The following CNTNAP3 variants were observed in gnomAD, a reference collection of about 807,000 sequenced individuals.
CNTNAP3 encodes contactin associated protein family member 3.
In CNTNAP3, 36 loss-of-function variants were observed where a neutral mutation model predicts 92.1. The ratio of observed to expected loss-of-function variants is 0.39; its 90% CI spans 0.30 to 0.52. The LOEUF is 0.52. Ranked by LOEUF, CNTNAP3 falls within the 20% of genes least tolerant of loss-of-function variation. CNTNAP3 has a pLI of 0.76. For synonymous variants in CNTNAP3, 232 were observed against 422.3 expected, an observed-to-expected ratio of 0.55 and a Z score of 5.53; for missense variants, 534 against 1,069.6, an observed-to-expected ratio of 0.50 and a Z score of 6.98.
rs933841186 is a variant in CNTNAP3 at position 39,065,952 on chromosome 9, G to A, written c.*7938C>T. Reference sequence around the variant, plus strand: ...AACAATGTATTTTAAAAGGAGAGTTGTTAATCTTAAGGTCAAATTTATCAG... The same window carrying A: ...AACAATGTATTTTAAAAGGAGAGTTATTAATCTTAAGGTCAAATTTATCAG... On this transcript the variant is annotated 3_prime_UTR_variant, in exon 24 of 24. Transcript: ENST00000297668. Among the ~76,000 whole-genome samples, 1 of 152,212 alleles carries A rather than the reference G, an allele frequency of 6.6e-6. No individual in the cohort carries two copies. Among genetic ancestry groups the A allele is most frequent in the Non-Finnish European group, 1.5e-5 (1 of 68,032 alleles).
At chr9:39,116,212 T>C (rs1486413795) in intron 14 of CNTNAP3, among the ~76,000 whole-genome samples, 2 of 152,060 alleles carry the variant, frequency 1.3e-5, no homozygotes, top group Non-Finnish European at 2.9e-5. Context: ...GCCACTAGCA[T>C]ATATGCCATT....
At chr9:39,131,553 C>A (rs1028214300) in intron 13 of CNTNAP3, among the ~76,000 whole-genome samples, 1 of 151,500 alleles carries the variant, frequency 6.6e-6, no homozygotes, top group African/African-American at 2.4e-5. Context: ...GGGCCGGGCG[C>A]GGTGGCTCAC....
Position 39,280,028 on chromosome 9 carries a change from C to T in CNTNAP3, c.85+7952G>A, listed in dbSNP as rs1195627358. On this transcript the variant is annotated intron_variant, in intron 1 of 23. Coordinates refer to ENST00000297668, the MANE Select transcript of CNTNAP3 (RefSeq NM_033655.5). The stretch of plus-strand genomic sequence containing the variant: ...TCTGTGATGCCTGCAGAAACCCAGT[C>T]GCAACCCATTCATTCATATTCCTCT... Among the ~76,000 whole-genome samples, 20 of 35,786 alleles carry T rather than the reference C, an allele frequency of 5.6e-4. 4 individuals are homozygous for T. The highest frequency in any genetic ancestry group is 1.1e-3 in the African/African-American group (20 of 18,586). The allele number at this position is 35,786 out of a possible 152,430, so 23.5% of individuals were successfully genotyped here.
chr9:39,128,643 C>A (rs1821204772), intron 13 of CNTNAP3, among the ~76,000 whole-genome samples: 1 of 152,042 alleles, frequency 6.6e-6, no homozygotes, highest in African/African-American at 2.4e-5. Context: ...CTGCCCTCAC[C>A]ACTCTAGTTC....
rs1821832112 is a variant in CNTNAP3, at chr9:39,151,060, A to C, written c.1478-1083T>G. ...GAAAGTACACACTCTAGTTAAAGAA[A>C]ACACAATAACTGTAAAATCTTTTTA... On this transcript the variant is annotated intron_variant, in intron 9 of 23. Transcript: ENST00000297668. 1.4e-5 allele frequency among the ~76,000 whole-genome samples: 2 copies of C among 146,744 alleles called. 1 individual carries two copies. Among genetic ancestry groups the C allele is most frequent in the South Asian group, 4.5e-4 (2 of 4,482 alleles).
intron 14 of CNTNAP3, among the ~76,000 whole-genome samples, chr9:39,117,471 T>A (rs1251053055): frequency 6.6e-6 from 1 of 152,160 alleles, no homozygotes; most frequent in Non-Finnish European, 1.5e-5. Flanking sequence ...GGCATTGCAA[T>A]CTACATGAGA....
intron 13 of CNTNAP3, among the ~76,000 whole-genome samples, chr9:39,130,505 T>C (rs1041597417): frequency 6.8e-6 from 1 of 147,334 alleles, no homozygotes; most frequent in African/African-American, 2.5e-5. Flanking sequence ...CTTTTTTTTT[T>C]TTTTTTTTTT....
intron 13 of CNTNAP3, among the ~76,000 whole-genome samples, chr9:39,121,226 C>T (rs1337822808): frequency 6.6e-6 from 1 of 151,790 alleles, no homozygotes; most frequent in Admixed American, 6.6e-5. Flanking sequence ...AAAATACACT[C>T]TGCAAAAATT....
At chr9:39,125,802 T>C (rs1821141502) in intron 13 of CNTNAP3, among the ~76,000 whole-genome samples, 1 of 152,110 alleles carries the variant, frequency 6.6e-6, no homozygotes, top group African/African-American at 2.4e-5. Flanking sequence ...AATGTGTATA[T>C]ACCTAGCAAC....
Position 39,068,388 on chromosome 9 carries a change from C to G in CNTNAP3, c.*5502G>C, listed in dbSNP as rs1825558580. Among the ~76,000 whole-genome samples, 1 of 152,308 alleles carries G rather than the reference C, an allele frequency of 6.6e-6. No individual in the cohort carries two copies. On this transcript the variant is annotated 3_prime_UTR_variant, in exon 24 of 24. Transcript: ENST00000297668. ...CCAGGATCGCGCCACTGCACTCCAG[C>G]CTGAGCGACAGAGCAAGACTCCGTC...
chr9:39,124,386 C>T (rs1390717609), intron 13 of CNTNAP3, among the ~76,000 whole-genome samples: 1 of 151,798 alleles, frequency 6.6e-6, no homozygotes, highest in African/African-American at 2.4e-5. Flanking sequence ...GAAACAAGGG[C>T]AACAAATAAA....
At chr9:39,093,816 G>C (rs1370356018) in intron 18 of CNTNAP3, among the ~76,000 whole-genome samples, 3 of 151,366 alleles carry the variant, frequency 2.0e-5, no homozygotes, top group African/African-American at 7.3e-5. Flanking sequence ...GTGCTACTAT[G>C]AACATTTGTA....
At chr9:39,089,145 TC>T (rs1333185750) in intron 18 of CNTNAP3, among the ~76,000 whole-genome samples, 1 of 152,110 alleles carries the variant, frequency 6.6e-6, no homozygotes, top group Non-Finnish European at 1.5e-5. Flanking sequence ...TTCACTCCCC[TC>T]CCCCGAGCAC....
intron 23 of CNTNAP3, among the ~76,000 whole-genome samples, chr9:39,077,763 T>A (rs1243413313): frequency 6.6e-6 from 1 of 152,258 alleles, no homozygotes; most frequent in African/African-American, 2.4e-5. Flanking sequence ...GTGACAAATA[T>A]CCCACATGTC....
chr9:39,116,726 A>T (rs1173275562), intron 14 of CNTNAP3, among the ~76,000 whole-genome samples: 2 of 152,108 alleles, frequency 1.3e-5, no homozygotes, highest in African/African-American at 2.4e-5. Context: ...TTTGAACTTG[A>T]GGAAGATTAA....
At chr9:39,104,806 C>G (rs1826560311) in intron 15 of CNTNAP3, among the ~76,000 whole-genome samples, 1 of 152,114 alleles carries the variant, frequency 6.6e-6, no homozygotes, top group South Asian at 2.1e-4. Flanking sequence ...CACAGAAGGG[C>G]TGCTGTGTTC....
intron 12 of CNTNAP3, among the ~76,000 whole-genome samples, chr9:39,135,153 C>T: frequency 6.6e-6 from 1 of 152,150 alleles, no homozygotes; most frequent in Admixed American, 6.5e-5. Context: ...AGTAAAACAC[C>T]CAAAGAAGGA....
At chr9:39,089,399 T>C (rs1826139685) in intron 18 of CNTNAP3, among the ~76,000 whole-genome samples, 1 of 152,232 alleles carries the variant, frequency 6.6e-6, no homozygotes, top group Non-Finnish European at 1.5e-5. Context: ...ATGCGTTTTA[T>C]TGACTAATAT....
In CNTNAP3 at chr9:39,071,517, A is replaced by T. The variant is rs1490630549; in HGVS notation, c.*2373T>A. On this transcript the variant is annotated 3_prime_UTR_variant, in exon 24 of 24. Transcript: ENST00000297668. Reference sequence around the variant, plus strand: ...TTCTCAAATGAAGAATGGTAATTATATGCTATTTTCTTTTTTAATTTGAAG... The same window carrying T: ...TTCTCAAATGAAGAATGGTAATTATTTGCTATTTTCTTTTTTAATTTGAAG... Among the ~76,000 whole-genome samples, 2 of 152,002 alleles carry T rather than the reference A, an allele frequency of 1.3e-5. No homozygotes were observed. The highest frequency in any genetic ancestry group is 4.8e-5 in the African/African-American group (2 of 41,408).
Sources: allele counts gnomAD v4.1 joint callset (sites outside exome capture counted in the v4.1 genomes callset), GRCh38; gene constraint gnomAD v4.1.1; transcripts MANE v1.5; gene names NCBI Gene and HGNC (gene_info 2026-07-23, HGNC 2026-07-21).